MITD1: variants seen among roughly 807,000 people sequenced by gnomAD.
The protein encoded by MITD1 is MIT domain-containing protein 1.
A neutral mutation model predicts 34.9 loss-of-function variants in MITD1; 24 were observed. That is an observed-to-expected ratio of 0.69 (90% confidence interval 0.50 to 0.97). MITD1 has a LOEUF of 0.97. Among genes scored for constraint, MITD1 ranks in the 50% least tolerant of loss-of-function variants. MITD1 has a pLI of 0.00. For synonymous variants in MITD1, 102 were observed against 101.4 expected (o/e 1.01, Z -0.04); for missense variants, 266 against 294.6 (o/e 0.90, Z 0.71).
chr2:99,169,471 CTAAG>C lies in MITD1; in HGVS notation c.655-5_655-2del, dbSNP rs2093843082. 2 of 1,608,502 alleles carry C rather than the reference CTAAG, an allele frequency of 1.2e-6. No individual in the cohort carries two copies. Among genetic ancestry groups the C allele is most frequent in the African/African-American group, 2.7e-5 (2 of 74,612 alleles). Reference sequence around the variant, plus strand: ...CACAATATCCAAGGGAAAAACGACTCTAAGAAGAGAAGAAAAGAGTATCATTAAA... The same window carrying C: ...CACAATATCCAAGGGAAAAACGACTCAAGAGAAGAAAAGAGTATCATTAAA... On this transcript the variant is annotated splice_acceptor_variant and splice_polypyrimidine_tract_variant and intron_variant, in intron 6 of 6. Transcript: ENST00000289359. LOFTEE classifies it high-confidence loss of function.
chr2:99,177,282 T>TAA (rs1012613270), intron 1 of MITD1, among the ~76,000 whole-genome samples: 2 of 152,172 alleles, frequency 1.3e-5, no homozygotes, highest in Non-Finnish European at 2.9e-5. Flanking sequence ...CTTGGACCCT[T>TAA]ACAGCCATCT....
exon 8 of MITD1, chr2:99,162,112 A>G: frequency 6.2e-7 from 1 of 1,614,204 alleles, no homozygotes; most frequent in Non-Finnish European, 8.5e-7. Flanking sequence ...GACTGGATCC[A>G]TGACCATATG....
intron 7 of MITD1, chr2:99,162,863 A>C (rs545941896): frequency 1.2e-6 from 2 of 1,612,920 alleles, no homozygotes; most frequent in Non-Finnish European, 1.7e-6. Flanking sequence ...TCATAGACAT[A>C]AAGAATGGAA....
downstream of MITD1, among the ~76,000 whole-genome samples, chr2:99,165,597 A>G (rs1226236462): frequency 2.0e-5 from 3 of 152,144 alleles, no homozygotes; most frequent in Non-Finnish European, 4.4e-5. Context: ...ATAATTTTAG[A>G]CTTTTATAAT....
At position 99,169,299 on chromosome 2, in the gene MITD1, C is replaced by A; in HGVS notation, c.*76G>T. The A allele has an allele frequency of 1.5e-6, 1 of 673,302 alleles. No individual in the cohort carries two copies. The highest frequency in any genetic ancestry group is 1.8e-5 in the African/African-American group (1 of 54,510). The allele number at this position is 673,302 out of a possible 1,614,324, so 41.7% of individuals were successfully genotyped here. A position where few individuals can be genotyped will look rare whatever the true frequency, so the allele number is the denominator to read the frequency against. On this transcript the variant is annotated 3_prime_UTR_variant, in exon 7 of 7. Transcript: ENST00000289359. ...ATAAAAGTTTATTGTTAAATTCATA[C>A]ATTATAAAAGTGATCTTTTAAAAAA...
At chr2:99,171,753 T>A in intron 2 of MITD1, 107 bp from the exon 3 acceptor site, 2 of 1,089,260 alleles carry the variant, frequency 1.8e-6, no homozygotes, top group South Asian at 1.6e-5. Flanking sequence ...TTAATTTTTT[T>A]AACTTATTCA....
intron 5 of MITD1, 23 bp from the exon 6 acceptor site, chr2:99,169,633 T>C (rs373216934): frequency 4.3e-5 from 66 of 1,550,412 alleles, no homozygotes; most frequent in Non-Finnish European, 5.3e-5. Context: ...GTATATAGTA[T>C]TATATTCAAG....
At chr2:99,171,747 T>C in intron 2 of MITD1, 101 bp from the exon 3 acceptor site, 1 of 1,121,076 alleles carries the variant, frequency 8.9e-7, no homozygotes, top group Admixed American at 2.4e-5. Context: ...TACATATTAA[T>C]TTTTTTAACT....
chr2:99,161,862 G>A (rs2093795492), downstream of MITD1: 2 of 1,168,720 alleles, frequency 1.7e-6, no homozygotes, highest in Non-Finnish European at 2.4e-6. Context: ...GATACTTTAA[G>A]TTTGGATTAA....
chr2:99,168,066 G>T (rs748797153), downstream of MITD1, among the ~76,000 whole-genome samples: 2 of 152,170 alleles, frequency 1.3e-5, no homozygotes, highest in Non-Finnish European at 2.9e-5. Flanking sequence ...ACATTTATAT[G>T]TGCACTCTCC....
At chr2:99,165,298 C>G (rs13028988), downstream of MITD1, among the ~76,000 whole-genome samples, 1,175 of 152,132 alleles carry the variant, frequency 7.7e-3, 4 homozygotes, top group Admixed American at 0.018. Context: ...AACTCCTGAC[C>G]TCAGGTGATC....
In MITD1 at chr2:99,181,037, C is replaced by G. The variant is rs1180257417; in HGVS notation, c.-56G>C. ...AGGATGAAGTTGAGCGGGTCTGCTGCGCTTCCGGGAAGTGGTCATGTGATA... is the reference window on the plus strand; with the variant it reads ...AGGATGAAGTTGAGCGGGTCTGCTGGGCTTCCGGGAAGTGGTCATGTGATA... On this transcript the variant is annotated 5_prime_UTR_variant, in exon 1 of 7. Transcript: ENST00000289359. 7.0e-6 allele frequency: 11 copies of G among 1,566,444 alleles called. No individual in the cohort carries two copies. The highest frequency in any genetic ancestry group is 2.7e-5 in the African/African-American group (2 of 73,708).
chr2:99,166,898 A>ATATATATATATATATAT (rs1553516057), downstream of MITD1, among the ~76,000 whole-genome samples: 7 of 93,262 alleles, frequency 7.5e-5, no homozygotes, highest in Admixed American at 2.0e-4. Flanking sequence ...TATATATATA[A>ATATATATATATATATAT]ATTTTTCATT....
At position 99,169,480 on chromosome 2, in the gene MITD1, G is replaced by A. The variant is rs1207847563; in HGVS notation, c.655-10C>T. 6.2e-7 allele frequency: 1 copy of A among 1,607,460 alleles called. No homozygotes were observed. Among genetic ancestry groups the A allele is most frequent in the Non-Finnish European group, 8.5e-7 (1 of 1,175,476 alleles). The stretch of plus-strand genomic sequence containing the variant: ...CAAGGGAAAAACGACTCTAAGAAGA[G>A]AAGAAAAGAGTATCATTAAAAATGA... On this transcript the variant is annotated splice_polypyrimidine_tract_variant and intron_variant, in intron 6 of 6. Coordinates refer to ENST00000289359, the MANE Select transcript of MITD1 (RefSeq NM_138798.3).
chr2:99,169,253 G>T (rs1309919598), downstream of MITD1: 1 of 560,308 alleles, frequency 1.8e-6, no homozygotes, highest in East Asian at 3.0e-5. Context: ...CTGAATGATG[G>T]ATCCATAAAT....
intron 2 of MITD1, 93 bp from the exon 3 acceptor site, chr2:99,171,739 C>A: frequency 8.1e-7 from 1 of 1,238,278 alleles, no homozygotes; most frequent in Non-Finnish European, 1.1e-6. Context: ...GCATCAGATA[C>A]ATATTAATTT....
chr2:99,171,743 T>C (rs2093859476), intron 2 of MITD1, 97 bp from the exon 3 acceptor site: 4 of 1,172,198 alleles, frequency 3.4e-6, no homozygotes, highest in South Asian at 1.6e-5. Context: ...CAGATACATA[T>C]TAATTTTTTT....
At chr2:99,171,849 T>G (rs555317782) in intron 2 of MITD1, 12 of 518,560 alleles carry the variant, frequency 2.3e-5, no homozygotes, top group Non-Finnish European at 4.0e-5. Flanking sequence ...ACCACTCCAT[T>G]AGTGATTTCT....
rs1559177284 is a variant in MITD1 at position 99,170,649 on chromosome 2, T to A, written c.481A>T (p.Ile161Phe). The A allele has an allele frequency of 6.5e-7, 1 of 1,537,648 alleles. No homozygotes were observed. Residue 161 changes from isoleucine to phenylalanine, a missense_variant, in exon 5 of 7, where the codon ATT becomes TTT. Ile to Phe is a conservative substitution (Grantham distance 21, BLOSUM62 0). Transcript: ENST00000289359. The part of the protein sequence containing the change: ...IHLLTSLDEG[I>F]EQVQQSRGLQ... ...CCTCTACTTTGCTGCACTTGCTCAA[T>A]GCCCTGTTAATAGCAAAAATACGAT...
Sources: gnomAD v4.1 joint callset for allele counts (sites outside exome capture counted in the v4.1 genomes callset) on GRCh38, gnomAD v4.1.1 for gene constraint, MANE v1.5 for transcripts, NCBI Gene and HGNC (gene_info 2026-07-23, HGNC 2026-07-21) for gene names.